TTC39B: variants seen among roughly 807,000 people sequenced by gnomAD.
TTC39B encodes the protein tetratricopeptide repeat protein 39B.
A neutral mutation model predicts 96.6 loss-of-function variants in TTC39B; 92 were observed. The observed-to-expected ratio is 0.95, with a 90% CI of 0.80 to 1.13. TTC39B has a LOEUF of 1.13. TTC39B is among the 50% of genes most tolerant of loss of function. The pLI, the probability that TTC39B is intolerant of heterozygous loss-of-function variation, is 0.00. For missense variants in TTC39B, 955 were observed against 809.3 expected, an observed-to-expected ratio of 1.18 and a Z score of -2.18; for synonymous variants, 367 against 299.4, an observed-to-expected ratio of 1.23 and a Z score of -2.33.
chr9:15,293,922 G>A (rs1201828935), intron 1 of TTC39B, among the ~76,000 whole-genome samples: 1 of 152,120 alleles, frequency 6.6e-6, no homozygotes, highest in African/African-American at 2.4e-5. Context: ...CCTCACTTCC[G>A]TTTTCTGCAC....
intron 1 of TTC39B, among the ~76,000 whole-genome samples, chr9:15,277,778 T>C (rs1823601806): frequency 6.6e-6 from 1 of 152,234 alleles, no homozygotes; most frequent in African/African-American, 2.4e-5. Context: ...TGTTCATTCA[T>C]CCAAGGAAGG....
At chr9:15,279,517 T>C (rs1359691716) in intron 1 of TTC39B, among the ~76,000 whole-genome samples, 1 of 152,228 alleles carries the variant, frequency 6.6e-6, no homozygotes, top group African/African-American at 2.4e-5. Flanking sequence ...CTCTGTGACC[T>C]TGAGCAAGCT....
rs908766430 is a variant in TTC39B at position 15,203,327 on chromosome 9, G to A, written c.759+496C>T. 1.1e-4 allele frequency among the ~76,000 whole-genome samples: 16 copies of A among 152,068 alleles called. No homozygotes were observed. The East Asian group carries it at 2.3e-3, about 22-fold the overall frequency. On this transcript the variant is annotated intron_variant, in intron 7 of 19. Transcript: ENST00000512701. ...GTGCAGTGGTAGGACCTCGGCTCACGGAAATCTCCACCTCCCAGGTTCAAG... is the reference window on the plus strand; with the variant it reads ...GTGCAGTGGTAGGACCTCGGCTCACAGAAATCTCCACCTCCCAGGTTCAAG...
rs1824717626 is a variant in TTC39B at position 15,305,197 on chromosome 9, T to C, written c.240+1887A>G. ...CAAGGGTATCCAGTCTACAACACAC[T>C]ACTTCTTACTTGCTTACATTTACTT... On this transcript the variant is annotated intron_variant, in intron 1 of 19. Coordinates refer to ENST00000512701, the Ensembl canonical transcript of TTC39B. 3.9e-5 allele frequency among the ~76,000 whole-genome samples: 6 copies of C among 152,210 alleles called. 1 individual carries two copies. Among genetic ancestry groups the C allele is most frequent in the Admixed American group, 3.9e-4 (6 of 15,284 alleles).
chr9:15,189,570 T>G lies in TTC39B; in HGVS notation c.1233+4A>C, dbSNP rs1397709211. 6.2e-7 allele frequency: 1 copy of G among 1,614,090 alleles called. No homozygotes were observed. Among genetic ancestry groups the G allele is most frequent in the Non-Finnish European group, 8.5e-7 (1 of 1,179,986 alleles). Reference sequence around the variant, plus strand: ...CCCCAAATAATTCCCACCTAATAAATTACCTCTTCAAGATTCCCTTTCAGC... The same window carrying G: ...CCCCAAATAATTCCCACCTAATAAAGTACCTCTTCAAGATTCCCTTTCAGC... On this transcript the variant is annotated splice_donor_region_variant and intron_variant, in intron 13 of 19. Coordinates refer to ENST00000512701, the Ensembl canonical transcript of TTC39B.
chr9:15,180,038 C>T (rs1271979258), intron 17 of TTC39B, among the ~76,000 whole-genome samples: 1 of 152,118 alleles, frequency 6.6e-6, no homozygotes, highest in Non-Finnish European at 1.5e-5. Flanking sequence ...TTTCGACACA[C>T]AACACACATG....
chr9:15,177,780 T>A lies in TTC39B; in HGVS notation c.1758A>T (p.Leu586Phe), dbSNP rs148016922. The change falls in exon 18 of 20, where the codon TTA (leucine) becomes TTT (phenylalanine). Residue 586 changes from leucine (L) to phenylalanine (F), a missense_variant. Leu to Phe is a conservative substitution (Grantham distance 22). Transcript: ENST00000512701. ...GGCAACATCCTTTAAGTAACTTCAC[T>A]AAGCACTCATCATCCACAGAGAAGC... 9 of 1,612,280 alleles carry A rather than the reference T, an allele frequency of 5.6e-6. No individual in the cohort carries two copies. The South Asian group carries it at 8.8e-5, about 16-fold the overall frequency.
intron 3 of TTC39B, among the ~76,000 whole-genome samples, chr9:15,221,187 TG>T (rs1303585829): frequency 6.6e-6 from 1 of 152,102 alleles, no homozygotes; most frequent in African/African-American, 2.4e-5. Context: ...GTCCACTGAG[TG>T]TTCTTGTCTG....
intron 3 of TTC39B, among the ~76,000 whole-genome samples, chr9:15,219,864 T>A (rs963249594): frequency 6.6e-6 from 1 of 152,186 alleles, no homozygotes; most frequent in African/African-American, 2.4e-5. Flanking sequence ...CGCCCAACCA[T>A]GACCCTCACA....
chr9:15,301,698 G>A (rs959131699), intron 1 of TTC39B, among the ~76,000 whole-genome samples: 12 of 151,814 alleles, frequency 7.9e-5, no homozygotes, highest in Admixed American at 4.6e-4. Flanking sequence ...AGAGGTTGCC[G>A]TGAGCTGAGA....
intron 2 of TTC39B, among the ~76,000 whole-genome samples, chr9:15,233,359 C>G (rs35010045): frequency 0.18 from 28,069 of 151,792 alleles, 3,423 homozygotes; most frequent in East Asian, 0.66. Context: ...TCTCTCTCCC[C>G]ACGGTCTCCC....
chr9:15,163,891 C>T (rs1038742414), exon 20 of TTC39B: 1 of 152,124 alleles, frequency 6.6e-6, no homozygotes, highest in African/African-American at 2.4e-5. Flanking sequence ...GAATTGTTGT[C>T]ATCATGTTGA....
At chr9:15,278,474 C>T (rs753786103) in intron 1 of TTC39B, among the ~76,000 whole-genome samples, 18 of 152,174 alleles carry the variant, frequency 1.2e-4, no homozygotes, top group Non-Finnish European at 2.2e-4. Flanking sequence ...TACAATCCAC[C>T]TTGTAAATCA....
At chr9:15,284,122 A>C (rs693223) in intron 1 of TTC39B, among the ~76,000 whole-genome samples, 103,252 of 152,044 alleles carry the variant, frequency 0.68, 36,078 homozygotes, top group East Asian at 0.9. Context: ...AAAAGGACAA[A>C]AGATAAAGGG....
chr9:15,296,590 G>A (rs1563796652), intron 1 of TTC39B, among the ~76,000 whole-genome samples: 1 of 152,174 alleles, frequency 6.6e-6, no homozygotes, highest in South Asian at 2.1e-4. Flanking sequence ...CGCCTCCCAG[G>A]TTCAAGCAAT....
At chr9:15,227,828 C>G (rs1821208446) in intron 2 of TTC39B, among the ~76,000 whole-genome samples, 1 of 152,134 alleles carries the variant, frequency 6.6e-6, no homozygotes, top group South Asian at 2.1e-4. Flanking sequence ...TAATAAAAGT[C>G]TCCCCAATAT....
chr9:15,178,980 G>A (rs1306303342), intron 17 of TTC39B, among the ~76,000 whole-genome samples: 1 of 152,124 alleles, frequency 6.6e-6, no homozygotes, highest in East Asian at 1.9e-4. Context: ...TTAACAAAAC[G>A]GTTCTGAAGT....
At chr9:15,228,612 A>T (rs1037318968) in intron 2 of TTC39B, among the ~76,000 whole-genome samples, 1 of 152,230 alleles carries the variant, frequency 6.6e-6, no homozygotes, top group African/African-American at 2.4e-5. Flanking sequence ...CTAACTAAGA[A>T]CTTCCCACTT....
chr9:15,262,560 G>C (rs1182283094), intron 2 of TTC39B, among the ~76,000 whole-genome samples: 1 of 151,286 alleles, frequency 6.6e-6, no homozygotes, highest in Non-Finnish European at 1.5e-5. Context: ...ACTATTTTGA[G>C]AAACTGCCAG....
Sources: allele counts gnomAD v4.1 joint callset (sites outside exome capture counted in the v4.1 genomes callset), GRCh38; gene constraint gnomAD v4.1.1; transcripts MANE v1.5; gene names NCBI Gene and HGNC (gene_info 2026-07-23, HGNC 2026-07-21).